The following SNX29 variants were observed in gnomAD, a reference collection of about 807,000 sequenced individuals.
SNX29 encodes the protein sorting nexin-29.
In SNX29, 78 loss-of-function variants were observed where a neutral mutation model predicts 102.1. The ratio of observed to expected loss-of-function variants is 0.76; its 90% CI spans 0.64 to 0.92. The LOEUF is 0.92. Among genes scored for constraint, SNX29 ranks in the 40% least tolerant of loss-of-function variants. SNX29 has a pLI of 0.00. For synonymous variants in SNX29, 580 were observed against 414.5 expected, an observed-to-expected ratio of 1.40 and a Z score of -4.85; for missense variants, 1,280 against 1,061.7, an observed-to-expected ratio of 1.21 and a Z score of -2.86.
intron 16 of SNX29, among the ~76,000 whole-genome samples, chr16:12,390,422 G>A (rs1213846633): frequency 6.6e-6 from 1 of 152,150 alleles, no homozygotes; most frequent in Non-Finnish European, 1.5e-5. Context: ...AGCCTTAACT[G>A]TCTAATGAAT....
chr16:12,276,292 A>G (rs548382703), intron 14 of SNX29, among the ~76,000 whole-genome samples: 1 of 152,100 alleles, frequency 6.6e-6, no homozygotes, highest in East Asian at 1.9e-4. Context: ...TTCTTTCCAT[A>G]ACTGTTTGGG....
intron 19 of SNX29, among the ~76,000 whole-genome samples, chr16:12,516,188 A>G (rs2089856151): frequency 6.6e-6 from 1 of 152,146 alleles, no homozygotes; most frequent in African/African-American, 2.4e-5. Context: ...TCTCATCAGA[A>G]TGGGTACGAG....
At chr16:12,271,811 C>A (rs1007495644) in intron 14 of SNX29, among the ~76,000 whole-genome samples, 4 of 151,928 alleles carry the variant, frequency 2.6e-5, no homozygotes, top group Non-Finnish European at 5.9e-5. Flanking sequence ...TTAGTGGAGA[C>A]CAGGGTTTCA....
intron 14 of SNX29, among the ~76,000 whole-genome samples, chr16:12,203,515 G>GCC (rs2065876497): frequency 6.7e-6 from 1 of 150,314 alleles, no homozygotes; most frequent in South Asian, 2.1e-4. Context: ...GTTGTGTAGT[G>GCC]TGGCCTCGCT....
intron 20 of SNX29, among the ~76,000 whole-genome samples, chr16:12,554,070 C>G (rs755104323): frequency 2.0e-5 from 3 of 152,350 alleles, no homozygotes; most frequent in South Asian, 2.1e-4. Context: ...AAATGATCCT[C>G]TCACCTTGGC....
intron 13 of SNX29, among the ~76,000 whole-genome samples, chr16:12,171,517 C>T (rs977963342): frequency 6.6e-6 from 1 of 152,200 alleles, no homozygotes; most frequent in Non-Finnish European, 1.5e-5. Context: ...TGCTGAGCAC[C>T]CAGCTCTGGC....
At chr16:12,033,448 G>T (rs2057396330) in intron 4 of SNX29, among the ~76,000 whole-genome samples, 1 of 151,912 alleles carries the variant, frequency 6.6e-6, no homozygotes, top group Non-Finnish European at 1.5e-5. Flanking sequence ...GGTGGAAATG[G>T]TGTCTCATGT....
intron 20 of SNX29, among the ~76,000 whole-genome samples, chr16:12,566,873 A>G (rs2079033179): frequency 6.6e-6 from 1 of 152,270 alleles, no homozygotes; most frequent in Admixed American, 6.5e-5. Flanking sequence ...CAGAAGGCAA[A>G]GCAACAACTT....
intron 19 of SNX29, among the ~76,000 whole-genome samples, chr16:12,521,447 C>G (rs1428380117): frequency 6.6e-6 from 1 of 151,910 alleles, no homozygotes; most frequent in Non-Finnish European, 1.5e-5. Context: ...ATTCTCTAAC[C>G]TTCATTTTGG....
intron 3 of SNX29, among the ~76,000 whole-genome samples, chr16:12,004,675 T>C (rs2056397883): frequency 6.6e-6 from 1 of 152,178 alleles, no homozygotes; most frequent in Non-Finnish European, 1.5e-5. Context: ...ATCGTTCCTC[T>C]TTCTGTCCTT....
At chr16:12,420,702 A>T (rs1469231289) in intron 18 of SNX29, among the ~76,000 whole-genome samples, 1 of 152,222 alleles carries the variant, frequency 6.6e-6, no homozygotes, top group Non-Finnish European at 1.5e-5. Flanking sequence ...AGGTAAAGCC[A>T]CTTAGTAGGA....
chr16:12,475,960 C>T (rs960298753), intron 18 of SNX29, among the ~76,000 whole-genome samples: 1 of 152,078 alleles, frequency 6.6e-6, no homozygotes, highest in African/African-American at 2.4e-5. Flanking sequence ...ATTGTACTTG[C>T]CACTCTCCAA....
At chr16:12,089,019 G>C (rs375047052) in intron 11 of SNX29, among the ~76,000 whole-genome samples, 4 of 152,214 alleles carry the variant, frequency 2.6e-5, no homozygotes, top group Middle Eastern at 3.4e-3. Context: ...CTGGGAGGCA[G>C]AGGCTACAGT....
intron 11 of SNX29, among the ~76,000 whole-genome samples, chr16:12,115,897 G>A (rs896703000): frequency 6.6e-6 from 1 of 152,192 alleles, no homozygotes; most frequent in Admixed American, 6.5e-5. Flanking sequence ...CCCCGCAAGA[G>A]GAGTATTCTT....
intron 15 of SNX29, among the ~76,000 whole-genome samples, chr16:12,295,892 C>G (rs1456047232): frequency 6.6e-6 from 1 of 152,144 alleles, no homozygotes; most frequent in Non-Finnish European, 1.5e-5. Flanking sequence ...AACTTCTGCG[C>G]CCAGCGCTTT....
At chr16:12,563,448 T>C (rs548425658) in intron 20 of SNX29, among the ~76,000 whole-genome samples, 70 of 152,300 alleles carry the variant, frequency 4.6e-4, no homozygotes, top group African/African-American at 1.6e-3. Flanking sequence ...TGCAGGTAAA[T>C]TTAGGAAACC....
intron 15 of SNX29, among the ~76,000 whole-genome samples, chr16:12,343,187 C>T (rs181159760): frequency 3.3e-5 from 5 of 152,272 alleles, no homozygotes; most frequent in East Asian, 1.9e-4. Flanking sequence ...CATGAGAACA[C>T]GACAAAGAGC....
chr16:12,061,110 C>T (rs905494243), intron 8 of SNX29, among the ~76,000 whole-genome samples: 3 of 152,312 alleles, frequency 2.0e-5, no homozygotes, highest in African/African-American at 7.2e-5. Context: ...CTCCAGCTCC[C>T]CTCCTCAAGC....
intron 15 of SNX29, among the ~76,000 whole-genome samples, chr16:12,293,380 G>T (rs1292346064): frequency 6.6e-6 from 1 of 152,246 alleles, no homozygotes; most frequent in Non-Finnish European, 1.5e-5. Context: ...TCTGGACCCA[G>T]TTCTGATAAC....
Sources: allele counts gnomAD v4.1 joint callset (sites outside exome capture counted in the v4.1 genomes callset), GRCh38; gene constraint gnomAD v4.1.1; transcripts MANE v1.5; gene names NCBI Gene and HGNC (gene_info 2026-07-23, HGNC 2026-07-21).